Variants in ABCB1 observed in about 807,000 individuals in gnomAD.
The protein encoded by ABCB1 is ATP binding cassette subfamily B member 1.
ABCB1 carries 69 observed loss-of-function variants against 142.0 expected under a neutral mutation model. The observed-to-expected ratio is 0.49, with a 90% CI of 0.40 to 0.59. The LOEUF (loss-of-function observed/expected upper bound fraction) is 0.59, where lower values mean the gene tolerates loss of function less well. Ranked by LOEUF, ABCB1 falls within the 20% of genes least tolerant of loss-of-function variation. The pLI, the probability that ABCB1 is intolerant of heterozygous loss-of-function variation, is 0.00. For synonymous variants in ABCB1, 532 were observed against 539.2 expected (o/e 0.99, Z 0.18); for missense variants, 1,326 against 1,554.7 (o/e 0.85, Z 2.47).
chr7:87,707,898 A>T (rs1318548637), intron 1 of ABCB1, among the ~76,000 whole-genome samples: 1 of 152,114 alleles, frequency 6.6e-6, no homozygotes, highest in Non-Finnish European at 1.5e-5. Flanking sequence ...TGTTTATATG[A>T]GTGAAACTGA....
At chr7:87,696,307 A>T (rs1416708750) in intron 1 of ABCB1, among the ~76,000 whole-genome samples, 3 of 152,090 alleles carry the variant, frequency 2.0e-5, no homozygotes, top group African/African-American at 7.2e-5. Flanking sequence ...AGGAGTGGTT[A>T]TTTATTACTT....
At chr7:87,556,334 G>C (rs780207429) in intron 8 of ABCB1, among the ~76,000 whole-genome samples, 1 of 152,132 alleles carries the variant, frequency 6.6e-6, no homozygotes, top group Non-Finnish European at 1.5e-5. Flanking sequence ...GCACATAAAA[G>C]AGAGAAAAAT....
intron 1 of ABCB1, among the ~76,000 whole-genome samples, chr7:87,708,561 A>G (rs1829805606): frequency 6.6e-6 from 1 of 152,152 alleles, no homozygotes. Flanking sequence ...GGTTTTTAAG[A>G]GTTAATTGTA....
intron 1 of ABCB1, among the ~76,000 whole-genome samples, chr7:87,647,264 G>A (rs1823102987): frequency 6.6e-6 from 1 of 152,120 alleles, no homozygotes; most frequent in South Asian, 2.1e-4. Context: ...AGTATTCTAA[G>A]ACATTATTTG....
At chr7:87,584,960 C>G (rs937987243) in intron 4 of ABCB1, among the ~76,000 whole-genome samples, 2 of 147,774 alleles carry the variant, frequency 1.4e-5, no homozygotes, top group African/African-American at 5.2e-5. Flanking sequence ...TACCCCCCCA[C>G]ACACACACAC....
chr7:87,596,689 ATCTTTG>A (rs528144199), intron 2 of ABCB1, among the ~76,000 whole-genome samples: 34 of 152,092 alleles, frequency 2.2e-4, no homozygotes, highest in Non-Finnish European at 7.4e-5. Flanking sequence ...AGGTAAATTC[ATCTTTG>A]TCTTTGTTCT....
At chr7:87,703,885 C>CTTTTTTTTTTTTTT in intron 1 of ABCB1, among the ~76,000 whole-genome samples, 68 of 60,280 alleles carry the variant, frequency 1.1e-3, no homozygotes, top group African/African-American at 1.4e-3. Context: ...TCAGTTTTTT[C>CTTTTTTTTTTTTTT]TTTTTTTTTT....
intron 25 of ABCB1, among the ~76,000 whole-genome samples, chr7:87,509,913 G>C (rs1424709531): frequency 2.0e-5 from 3 of 152,160 alleles, no homozygotes; most frequent in Non-Finnish European, 4.4e-5. Flanking sequence ...AGAAGAAGGA[G>C]GGAGAAGAGT....
At chr7:87,549,143 A>G (rs1351142220) in intron 14 of ABCB1, among the ~76,000 whole-genome samples, 2 of 152,240 alleles carry the variant, frequency 1.3e-5, no homozygotes, top group Non-Finnish European at 2.9e-5. Flanking sequence ...TTAAAATAAG[A>G]TCAGAGAAAT....
At chr7:87,579,174 A>T (rs1449253135) in intron 4 of ABCB1, among the ~76,000 whole-genome samples, 3 of 152,146 alleles carry the variant, frequency 2.0e-5, no homozygotes, top group Non-Finnish European at 4.4e-5. Flanking sequence ...GCCAACAGGG[A>T]TAATTTGACT....
intron 1 of ABCB1, among the ~76,000 whole-genome samples, chr7:87,630,498 A>G (rs1307690985): frequency 6.6e-6 from 1 of 152,202 alleles, no homozygotes; most frequent in Non-Finnish European, 1.5e-5. Flanking sequence ...ATATCTTTAA[A>G]GTAGGTAAAT....
At chr7:87,510,529 C>T (rs1391022131) in intron 25 of ABCB1, among the ~76,000 whole-genome samples, 1 of 152,262 alleles carries the variant, frequency 6.6e-6, no homozygotes, top group Admixed American at 6.5e-5. Context: ...AATTTTCTGG[C>T]ATTCAAGTGA....
chr7:87,564,640 C>T (rs1393478389), intron 7 of ABCB1, among the ~76,000 whole-genome samples: 1 of 152,200 alleles, frequency 6.6e-6, no homozygotes, highest in African/African-American at 2.4e-5. Context: ...ACAGAGTGAA[C>T]TACATTTCTT....
rs773262840 is a variant in ABCB1 at position 87,531,463 on chromosome 7, T to C, written c.2516A>G (p.Asn839Ser). The change falls in exon 21 of 28, where the codon AAT becomes AGT. Residue 839 changes from asparagine (N) to serine (S), a missense_variant. By Grantham distance (46) the Asn-to-Ser change is conservative. Coordinates refer to ENST00000622132, the MANE Select transcript of ABCB1 (RefSeq NM_001348946.2). Reference sequence around the variant, plus strand: ...TATTCCTGTCCCAAGATTTGCTATATTCTGGGTAATTACAGCAAGCCTGGA... The same window carrying C: ...TATTCCTGTCCCAAGATTTGCTATACTCTGGGTAATTACAGCAAGCCTGGA... Reference protein sequence around the residue: ...IGSRLAVITQNIANLGTGIII... With the variant: ...IGSRLAVITQSIANLGTGIII... 6.2e-7 allele frequency: 1 copy of C among 1,613,266 alleles called. No individual in the cohort carries two copies. Among genetic ancestry groups the C allele is most frequent in the Non-Finnish European group, 8.5e-7 (1 of 1,179,634 alleles).
At chr7:87,565,992 TA>T in intron 7 of ABCB1, 77 bp downstream of exon 7, 4 of 1,503,846 alleles carry the variant, frequency 2.7e-6, no homozygotes, top group South Asian at 1.1e-5. Context: ...CATCATGTAG[TA>T]AAAAGACCTT....
At chr7:87,653,594 T>C (rs1401618555) in intron 1 of ABCB1, among the ~76,000 whole-genome samples, 1 of 152,166 alleles carries the variant, frequency 6.6e-6, no homozygotes, top group Non-Finnish European at 1.5e-5. Flanking sequence ...GTTAGATTAT[T>C]TGAAAATTCT....
chr7:87,566,899 G>T lies in ABCB1; in HGVS notation c.416C>A (p.Ala139Glu). ...AATTTTGTGTATTTGTCTTCCAGCTGCCAGGCACCAAAATGAAACCTGAAT... is the reference window on the plus strand; with the variant it reads ...AATTTTGTGTATTTGTCTTCCAGCTTCCAGGCACCAAAATGAAACCTGAAT... ...AYIQVSFWCL[A>E]AGRQIHKIRK... Residue 139 changes from alanine to glutamate, a missense_variant, in exon 6 of 28, where the codon GCA becomes GAA. By Grantham distance (107) the Ala-to-Glu change is moderately radical. Transcript: ENST00000622132. The T allele has an allele frequency of 5.0e-6, 8 of 1,614,116 alleles. No individual in the cohort carries two copies. The highest frequency in any genetic ancestry group is 6.8e-6 in the Non-Finnish European group (8 of 1,180,018).
At chr7:87,710,344 T>C (rs546845308) in intron 1 of ABCB1, among the ~76,000 whole-genome samples, 3 of 152,110 alleles carry the variant, frequency 2.0e-5, no homozygotes, top group African/African-American at 7.2e-5. Context: ...CTTCAGAGGA[T>C]AGAAAGTTAG....
intron 1 of ABCB1, among the ~76,000 whole-genome samples, chr7:87,668,839 G>A (rs141738270): frequency 6.6e-6 from 1 of 152,140 alleles, no homozygotes; most frequent in Non-Finnish European, 1.5e-5. Context: ...TGATCCAAGA[G>A]TGTGTTTGGT....
Sources: gnomAD v4.1 joint callset for allele counts (sites outside exome capture counted in the v4.1 genomes callset) on GRCh38, gnomAD v4.1.1 for gene constraint, MANE v1.5 for transcripts, NCBI Gene and HGNC (gene_info 2026-07-23, HGNC 2026-07-21) for gene names.